Variants in DACT2 observed in about 807,000 individuals in gnomAD.
DACT2 encodes dishevelled binding antagonist of beta catenin 2.
In DACT2, 20 loss-of-function variants were observed where a neutral mutation model predicts 22.2. The ratio of observed to expected loss-of-function variants is 0.90; its 90% CI spans 0.63 to 1.31. The LOEUF is 1.31. Ranked by LOEUF, DACT2 falls within the 50% of genes most tolerant of loss-of-function variation. The pLI, the probability that DACT2 is intolerant of heterozygous loss-of-function variation, is 0.00. For missense variants in DACT2, 1,048 were observed against 1,061.4 expected, an observed-to-expected ratio of 0.99 and a Z score of 0.18; for synonymous variants, 463 against 479.8, an observed-to-expected ratio of 0.96 and a Z score of 0.46.
At position 168,307,306 on chromosome 6, in the gene DACT2, G is replaced by A. The variant is rs1195872101; in HGVS notation, c.*126C>T. ...GCAGAACCCATCTGCGGGGACTCCTGTTAAACGGTGGCCTCGGAAGATAAA... is the reference window on the plus strand; with the variant it reads ...GCAGAACCCATCTGCGGGGACTCCTATTAAACGGTGGCCTCGGAAGATAAA... On this transcript the variant is annotated 3_prime_UTR_variant, in exon 4 of 4. Coordinates refer to ENST00000366795, the MANE Select transcript of DACT2 (RefSeq NM_214462.5). This position sits in a 1 kb window ranked among gnomAD's most constrained non-coding sequence, Gnocchi z 5.3. 1.4e-6 allele frequency: 2 copies of A among 1,478,482 alleles called. No homozygotes were observed. The highest frequency in any genetic ancestry group is 1.8e-6 in the Non-Finnish European group (2 of 1,115,580). 91.6% of individuals were successfully genotyped at this position (1,478,482 alleles called of 1,614,324 possible).
intron 1 of DACT2, among the ~76,000 whole-genome samples, chr6:168,311,597 T>TCCAC (rs1554271725): frequency 8.0e-5 from 8 of 100,552 alleles, no homozygotes; most frequent in African/African-American, 3.1e-4. Context: ...CACACACACA[T>TCCAC]ACACACACAC....
At chr6:168,300,079 C>G (rs1199520523) in intron 3 of DACT2, 1 of 152,224 alleles carries the variant, frequency 6.6e-6, no homozygotes, top group Non-Finnish European at 1.5e-5. Context: ...CAGAGACCCC[C>G]CGTAAGGAGT....
chr6:168,297,517 C>G (rs1258070571), intron 3 of DACT2, among the ~76,000 whole-genome samples: 1 of 152,242 alleles, frequency 6.6e-6, no homozygotes, highest in Non-Finnish European at 1.5e-5. Context: ...GGCAAAGAAA[C>G]AGCTTCTTCC....
At chr6:168,303,617 G>T (rs1327147289), downstream of DACT2, among the ~76,000 whole-genome samples, 1 of 152,170 alleles carries the variant, frequency 6.6e-6, no homozygotes, top group Non-Finnish European at 1.5e-5. Flanking sequence ...TGCATATCAT[G>T]AGCCAAATAA....
At chr6:168,301,308 A>T (rs1779099880) in intron 3 of DACT2, among the ~76,000 whole-genome samples, 1 of 152,198 alleles carries the variant, frequency 6.6e-6, no homozygotes, top group African/African-American at 2.4e-5. Flanking sequence ...ACACAAATGT[A>T]ATTACATTCT....
Position 168,319,495 on chromosome 6 carries a change from G to C in DACT2, c.139C>G (p.Leu47Val). The change falls in exon 1 of 4, where the codon CTG becomes GTG. Residue 47 changes from leucine (L) to valine (V), a missense_variant. Coordinates refer to ENST00000366795, the MANE Select transcript of DACT2 (RefSeq NM_214462.5). Reference sequence around the variant, plus strand: ...GGCGCGGGCGGGGGCTGCAGGGCCAGGGCGCCCCGTACCCGCTCCTGCTGC... The same window carrying C: ...GGCGCGGGCGGGGGCTGCAGGGCCACGGCGCCCCGTACCCGCTCCTGCTGC... ...ATQQERVRGA[L>V]ALQPPPAPAA... 4 of 1,272,258 alleles carry C rather than the reference G, an allele frequency of 3.1e-6. No individual in the cohort carries two copies. Among genetic ancestry groups the C allele is most frequent in the Non-Finnish European group, 4.0e-6 (4 of 1,004,280 alleles). 78.8% of individuals were successfully genotyped at this position (1,272,258 alleles called of 1,614,324 possible).
Position 168,308,404 on chromosome 6 carries a change from T to C in DACT2, c.1353A>G (p.Ser451=). ...SPSSKAQQTP[S]AQDYGRGNII... ...TGTTGCCTCGTCCATAGTCCTGAGCTGAGGGTGTCTGCTGGGCCTTTGAGC... is the reference window on the plus strand; with the variant it reads ...TGTTGCCTCGTCCATAGTCCTGAGCCGAGGGTGTCTGCTGGGCCTTTGAGC... Residue 451 remains serine, a synonymous_variant, in exon 4 of 4, where the codon TCA becomes TCG. Coordinates refer to ENST00000366795, the MANE Select transcript of DACT2 (RefSeq NM_214462.5). 1 of 1,551,804 alleles carries C rather than the reference T, an allele frequency of 6.4e-7. No individual in the cohort carries two copies. The highest frequency in any genetic ancestry group is 8.7e-7 in the Non-Finnish European group (1 of 1,147,002).
chr6:168,315,814 T>G (rs2114919410), intron 1 of DACT2, among the ~76,000 whole-genome samples: 1 of 152,284 alleles, frequency 6.6e-6, no homozygotes, highest in East Asian at 1.9e-4. Context: ...AATGGACAGG[T>G]GAGCACCAGG....
intron 1 of DACT2, among the ~76,000 whole-genome samples, chr6:168,314,516 G>T (rs1296345099): frequency 1.3e-5 from 2 of 152,142 alleles, no homozygotes; most frequent in African/African-American, 2.4e-5. Context: ...ACAACAAAAA[G>T]TTTGAGGATT....
Position 168,311,235 on chromosome 6 carries a change from A to C in DACT2, c.296T>G (p.Leu99Arg). The change falls in exon 2 of 4, where the codon CTG becomes CGG. Residue 99 changes from leucine to arginine, a missense_variant. Coordinates refer to ENST00000366795, the MANE Select transcript of DACT2 (RefSeq NM_214462.5). ...DIGLKTHLDQLDLQISKLQLD... is the reference protein window; with the variant it reads ...DIGLKTHLDQRDLQISKLQLD... ...CTGCAGCTTGCTAATCTGCAGGTCC[A>C]GCTGGTCCAGGTGGGTCTTCAGGCC... The C allele has an allele frequency of 6.4e-7, 1 of 1,551,086 alleles. No homozygotes were observed. Among genetic ancestry groups the C allele is most frequent in the Non-Finnish European group, 8.7e-7 (1 of 1,146,328 alleles).
intron 1 of DACT2, among the ~76,000 whole-genome samples, chr6:168,313,050 CATA>C (rs1031672348): frequency 1.7e-4 from 26 of 152,104 alleles, no homozygotes; most frequent in African/African-American, 5.3e-4. Context: ...AATCTGAAGC[CATA>C]ATATTTTTTT....
At position 168,307,924 on chromosome 6, in the gene DACT2, G is replaced by A; in HGVS notation, c.1833C>T (p.Ser611=). Reference sequence around the variant, plus strand: ...GGGCCCGGGCCGAGATCTCCACGGTGGACTGCCAGCGGCGATGCTTCCTCC... The same window carrying A: ...GGGCCCGGGCCGAGATCTCCACGGTAGACTGCCAGCGGCGATGCTTCCTCC... ...VARRKHRRWQ[S]TVEISARARL... The change falls in exon 4 of 4, where the codon TCC becomes TCT. Residue 611 remains serine (S), a synonymous_variant. Coordinates refer to ENST00000366795, the MANE Select transcript of DACT2 (RefSeq NM_214462.5). The surrounding 1 kb of genome is among the most constrained non-coding windows in gnomAD (Gnocchi z 5.3). 3 of 1,546,568 alleles carry A rather than the reference G, an allele frequency of 1.9e-6. No homozygotes were observed. Among genetic ancestry groups the A allele is most frequent in the Non-Finnish European group, 2.6e-6 (3 of 1,146,818 alleles).
At chr6:168,296,337 C>A (rs1036383923) in intron 3 of DACT2, among the ~76,000 whole-genome samples, 1 of 149,786 alleles carries the variant, frequency 6.7e-6, no homozygotes, top group Non-Finnish European at 1.5e-5. Context: ...AGAAGATGCT[C>A]ATGGAGGACA....
chr6:168,304,154 A>G (rs750284128), downstream of DACT2, among the ~76,000 whole-genome samples: 1 of 152,222 alleles, frequency 6.6e-6, no homozygotes, highest in Non-Finnish European at 1.5e-5. Context: ...TGCCCCCGTC[A>G]TCTAATCAAT....
intron 5 of DACT2, chr6:168,293,991 G>C (rs1301046543): frequency 1.4e-6 from 1 of 703,198 alleles, no homozygotes. Context: ...GAGTAGAGGA[G>C]GTCCATCCAA....
Position 168,306,989 on chromosome 6 carries a change from T to G in DACT2, c.*443A>C. On this transcript the variant is annotated 3_prime_UTR_variant, in exon 4 of 4. Transcript: ENST00000366795. ...TGTATGCTGACAGCTTAACGTGGAGTTTAAACTCAAATTCAATTTCCAGCT... is the reference window on the plus strand; with the variant it reads ...TGTATGCTGACAGCTTAACGTGGAGGTTAAACTCAAATTCAATTTCCAGCT... 1 of 996,726 alleles carries G rather than the reference T, an allele frequency of 1.0e-6. No individual in the cohort carries two copies. The highest frequency in any genetic ancestry group is 5.5e-5 in the Admixed American group (1 of 18,284). 61.7% of individuals were successfully genotyped at this position (996,726 alleles called of 1,614,324 possible). A position where few individuals can be genotyped will look rare whatever the true frequency, so the allele number is the denominator to read the frequency against.
intron 3 of DACT2, among the ~76,000 whole-genome samples, chr6:168,309,676 G>A (rs777792822): frequency 3.3e-5 from 5 of 152,206 alleles, no homozygotes; most frequent in African/African-American, 7.2e-5. Context: ...AGGAAACCAC[G>A]GGGCTTCTCA....
chr6:168,299,418 C>G (rs1209955685), intron 3 of DACT2: 1 of 152,194 alleles, frequency 6.6e-6, no homozygotes, highest in Non-Finnish European at 1.5e-5. Flanking sequence ...CTGCCTGACT[C>G]TGGGTTCCAT....
chr6:168,319,691 G>GCGCGGATCCCGAGCTGTGT lies in DACT2; in HGVS notation c.-77_-59dup. ...ACGAGCGGCGCCGGAGGCCCAGCGCGCGCGGATCCCGAGCTGTGTCGCGGG... is the reference window on the plus strand; with the variant it reads ...ACGAGCGGCGCCGGAGGCCCAGCGCGCGCGGATCCCGAGCTGTGTCGCGGATCCCGAGCTGTGTCGCGGG... On this transcript the variant is annotated 5_prime_UTR_variant, in exon 1 of 4. Coordinates refer to ENST00000366795, the MANE Select transcript of DACT2 (RefSeq NM_214462.5). 8.4e-7 allele frequency: 1 copy of GCGCGGATCCCGAGCTGTGT among 1,194,028 alleles called. No individual in the cohort carries two copies. 74.0% of individuals were successfully genotyped at this position (1,194,028 alleles called of 1,614,324 possible). A position where few individuals can be genotyped will look rare whatever the true frequency, so the allele number is the denominator to read the frequency against.
Sources: allele counts gnomAD v4.1 joint callset (sites outside exome capture counted in the v4.1 genomes callset), GRCh38; gene constraint gnomAD v4.1.1; non-coding constraint Gnocchi (gnomAD v3.1); transcripts MANE v1.5; gene names NCBI Gene and HGNC (gene_info 2026-07-23, HGNC 2026-07-21).